DLGAP2: variants seen among roughly 807,000 people sequenced by gnomAD.
DLGAP2 encodes the protein disks large-associated protein 2.
A neutral mutation model predicts 100.3 loss-of-function variants in DLGAP2; 26 were observed. The ratio of observed to expected loss-of-function variants is 0.26; its 90% confidence interval spans 0.19 to 0.36. DLGAP2 has a LOEUF of 0.36. Ranked by LOEUF, DLGAP2 falls within the 10% of genes least tolerant of loss-of-function variation. The pLI, the probability that DLGAP2 is intolerant of heterozygous loss-of-function variation, is 1.00. For missense variants in DLGAP2, 1,858 were observed against 1,453.2 expected, an observed-to-expected ratio of 1.28 and a Z score of -4.53; for synonymous variants, 886 against 630.1, an observed-to-expected ratio of 1.41 and a Z score of -6.08.
At chr8:1,614,958 G>A (rs373752074) in intron 6 of DLGAP2, among the ~76,000 whole-genome samples, 9 of 152,340 alleles carry the variant, frequency 5.9e-5, no homozygotes, top group East Asian at 5.8e-4. Flanking sequence ...GCTCACTCGC[G>A]GCTGCCCATG....
chr8:1,354,459 G>C (rs902460410), intron 3 of DLGAP2, among the ~76,000 whole-genome samples: 1 of 152,216 alleles, frequency 6.6e-6, no homozygotes. Context: ...GTTACAGTGA[G>C]CTGATATTGA....
intron 1 of DLGAP2, among the ~76,000 whole-genome samples, chr8:837,906 T>C (rs931053937): frequency 8.9e-5 from 13 of 146,866 alleles, no homozygotes; most frequent in Non-Finnish European, 1.4e-4. Flanking sequence ...TTTTTTTTTT[T>C]CTTTTTTAAG....
At chr8:939,733 T>A in intron 2 of DLGAP2, among the ~76,000 whole-genome samples, 1 of 65,812 alleles carries the variant, frequency 1.5e-5, no homozygotes, top group East Asian at 4.3e-4. Context: ...GGGGCTGGGG[T>A]GCCTGGGAGT....
At chr8:1,658,057 T>G (rs1798324656) in intron 8 of DLGAP2, among the ~76,000 whole-genome samples, 1 of 152,104 alleles carries the variant, frequency 6.6e-6, no homozygotes, top group African/African-American at 2.4e-5. Context: ...GGTGATTGGC[T>G]TACATAGGGC....
rs559800325 is a variant in DLGAP2 at position 1,163,437 on chromosome 8, C to T, written c.74-95414C>T. Among the ~76,000 whole-genome samples, 210 of 152,278 alleles carry T rather than the reference C, an allele frequency of 1.4e-3. 2 individuals carry two copies. Among genetic ancestry groups the T allele is most frequent in the African/African-American group, 4.6e-3 (190 of 41,594 alleles). ...GGCGAGGGGAGGCCTGTGTCCGATG[C>T]TCTGGGACCCTTCCCTGCAGGAAGC... On this transcript the variant is annotated intron_variant, in intron 2 of 14. Transcript: ENST00000637795.
At chr8:968,167 T>A (rs1799926875) in intron 2 of DLGAP2, among the ~76,000 whole-genome samples, 2 of 152,042 alleles carry the variant, frequency 1.3e-5, no homozygotes, top group Non-Finnish European at 2.9e-5. Context: ...GTTTATGTTG[T>A]AACTTGGGAA....
In DLGAP2 at chr8:1,708,389, AT is replaced by A. The variant is rs1237351056; in HGVS notation, c.*6986del. Reference sequence around the variant, plus strand: ...CTCTATATTTTAAGAAGTAATGGACATTTATTAAGGTTACAGATTTAATATG... The same window carrying A: ...CTCTATATTTTAAGAAGTAATGGACATTATTAAGGTTACAGATTTAATATG... On this transcript the variant is annotated 3_prime_UTR_variant, in exon 15 of 15. Transcript: ENST00000637795. The A allele has an allele frequency of 2.6e-5, 4 of 152,224 alleles. No individual in the cohort carries two copies. The highest frequency in any genetic ancestry group is 9.6e-5 in the African/African-American group (4 of 41,460). 9.4% of individuals were successfully genotyped at this position (152,224 alleles called of 1,614,324 possible). A position where few individuals can be genotyped will look rare whatever the true frequency, so the allele number is the denominator to read the frequency against.
intron 1 of DLGAP2, among the ~76,000 whole-genome samples, chr8:754,995 C>T (rs1239000719): frequency 6.6e-6 from 1 of 152,192 alleles, no homozygotes; most frequent in South Asian, 2.1e-4. Context: ...ATATGGTCTT[C>T]TAGAAGAGGC....
chr8:1,322,309 C>T (rs28415621), intron 3 of DLGAP2, among the ~76,000 whole-genome samples: 22,513 of 152,204 alleles, frequency 0.15, 1,934 homozygotes, highest in African/African-American at 0.23. Flanking sequence ...TTCGAAATCT[C>T]AAACTTAAAA....
intron 1 of DLGAP2, among the ~76,000 whole-genome samples, chr8:867,661 C>G (rs962230941): frequency 1.5e-4 from 23 of 152,192 alleles, no homozygotes; most frequent in Admixed American, 1.0e-3. Context: ...CGGGTGTAGC[C>G]TCATGATTTA....
At chr8:786,664 G>A (rs1433780226) in intron 1 of DLGAP2, among the ~76,000 whole-genome samples, 1 of 152,152 alleles carries the variant, frequency 6.6e-6, no homozygotes, top group Non-Finnish European at 1.5e-5. Context: ...AGACCTCCGG[G>A]GAGGGGCCTC....
rs1802361562 is a variant in DLGAP2 at position 1,565,530 on chromosome 8, G to A, written c.1231-153G>A. 4 of 618,476 alleles carry A rather than the reference G, an allele frequency of 6.5e-6. No homozygotes were observed. The East Asian group carries it at 8.7e-5, about 14-fold the overall frequency. 38.3% of individuals were successfully genotyped at this position (618,476 alleles called of 1,614,324 possible). A position where few individuals can be genotyped will look rare whatever the true frequency, so the allele number is the denominator to read the frequency against. Reference sequence around the variant, plus strand: ...CATTTTTATATTCATTTCCTTTTAGGATATGCATTTTTATACATCTGACTT... The same window carrying A: ...CATTTTTATATTCATTTCCTTTTAGAATATGCATTTTTATACATCTGACTT... On this transcript the variant is annotated intron_variant, in intron 5 of 14. Transcript: ENST00000637795.
At chr8:1,343,544 C>T (rs193109605) in intron 3 of DLGAP2, among the ~76,000 whole-genome samples, 60 of 152,322 alleles carry the variant, frequency 3.9e-4, no homozygotes, top group African/African-American at 1.4e-3. Context: ...CTGGAAGCCC[C>T]AAAGGCCAAC....
chr8:1,584,086 A>C (rs1207366794), intron 6 of DLGAP2, among the ~76,000 whole-genome samples: 1 of 151,984 alleles, frequency 6.6e-6, no homozygotes, highest in Non-Finnish European at 1.5e-5. Flanking sequence ...TAGCCTTTGA[A>C]AGCAAGAGCT....
At chr8:1,320,592 C>G (rs1400105357) in intron 3 of DLGAP2, among the ~76,000 whole-genome samples, 1 of 152,190 alleles carries the variant, frequency 6.6e-6, no homozygotes, top group Non-Finnish European at 1.5e-5. Flanking sequence ...ATGCTCAGCT[C>G]TCTCAACTTC....
chr8:1,380,779 G>A (rs929471837), intron 3 of DLGAP2, among the ~76,000 whole-genome samples: 10 of 151,464 alleles, frequency 6.6e-5, no homozygotes, highest in Admixed American at 2.6e-4. Flanking sequence ...TAGCTATTTC[G>A]AAAAAAGTGA....
At chr8:781,302 T>G (rs1015212676) in intron 1 of DLGAP2, among the ~76,000 whole-genome samples, 4 of 152,216 alleles carry the variant, frequency 2.6e-5, no homozygotes, top group African/African-American at 9.6e-5. Context: ...ATTATTTAAA[T>G]GACGTTAAGT....
chr8:1,227,565 C>A (rs1438107605), intron 2 of DLGAP2, among the ~76,000 whole-genome samples: 2 of 151,778 alleles, frequency 1.3e-5, no homozygotes, highest in Non-Finnish European at 1.5e-5. Flanking sequence ...ACAATCCTGG[C>A]TCACTGCAAA....
intron 2 of DLGAP2, among the ~76,000 whole-genome samples, chr8:1,049,449 C>G (rs1039830702): frequency 6.6e-6 from 1 of 152,000 alleles, no homozygotes; most frequent in Admixed American, 6.6e-5. Context: ...TTCTAAACAC[C>G]CTGCTTAACG....
Sources: allele counts gnomAD v4.1 joint callset (sites outside exome capture counted in the v4.1 genomes callset), GRCh38; gene constraint gnomAD v4.1.1; transcripts MANE v1.5; gene names NCBI Gene and HGNC (gene_info 2026-07-23, HGNC 2026-07-21).